DHCR7: variants seen among roughly 807,000 people sequenced by gnomAD.
DHCR7 encodes 7-DHC reductase.
In DHCR7, 40 loss-of-function variants were observed where a neutral mutation model predicts 43.3. The observed-to-expected ratio is 0.92, with a 90% CI of 0.72 to 1.20. DHCR7 has a LOEUF of 1.20. DHCR7 is among the 50% of genes most tolerant of loss of function. DHCR7 has a pLI of 0.00. For synonymous variants in DHCR7, 298 were observed against 271.4 expected, an observed-to-expected ratio of 1.10 and a Z score of -0.96; for missense variants, 608 against 644.6, an observed-to-expected ratio of 0.94 and a Z score of 0.62.
chr11:71,436,979 C>T (rs1423149232), intron 8 of DHCR7, among the ~76,000 whole-genome samples: 2 of 152,228 alleles, frequency 1.3e-5, no homozygotes, highest in Non-Finnish European at 2.9e-5. Context: ...ACCAGCAGAC[C>T]TGCAGCCAGC....
chr11:71,436,821 C>T (rs1949286995), intron 8 of DHCR7, among the ~76,000 whole-genome samples: 1 of 152,250 alleles, frequency 6.6e-6, no homozygotes, highest in Non-Finnish European at 1.5e-5. Flanking sequence ...TCTATTGATT[C>T]TGCTTCTTGG....
rs773485715 is a variant in DHCR7 at position 71,438,969 on chromosome 11, G to A, written c.741C>T (p.Ala247=). The part of the protein sequence containing the change: ...LFFNGRPGIV[A]WTLINLSFAA... ...CGAAGGACAGGTTGATGAGGGTCCA[G>A]GCGACGATCCCGGGGCGCCCATTGA... is the stretch of plus-strand genomic sequence containing the variant. The change falls in exon 7 of 9, where the codon GCC becomes GCT. Residue 247 remains alanine, a synonymous_variant. Transcript: ENST00000355527. 3 of 1,614,074 alleles carry A rather than the reference G, an allele frequency of 1.9e-6. No individual in the cohort carries two copies. The highest frequency in any genetic ancestry group is 2.2e-5 in the East Asian group (1 of 44,876).
At chr11:71,446,330 G>GA (rs1269359834) in intron 2 of DHCR7, among the ~76,000 whole-genome samples, 1 of 148,134 alleles carries the variant, frequency 6.8e-6, no homozygotes, top group Non-Finnish European at 1.5e-5. Flanking sequence ...TATAAGGAAG[G>GA]AAAAAAAGAA....
At chr11:71,429,062 G>A (rs1344454864) in intron 2 of DHCR7, among the ~76,000 whole-genome samples, 1 of 152,232 alleles carries the variant, frequency 6.6e-6, no homozygotes, top group Non-Finnish European at 1.5e-5. Flanking sequence ...GCAGCTAAGT[G>A]TTGCAAACAG....
In DHCR7 at chr11:71,435,268, G is replaced by T; in HGVS notation, c.*107C>A. 1 of 1,188,678 alleles carries T rather than the reference G, an allele frequency of 8.4e-7. No individual in the cohort carries two copies. Among genetic ancestry groups the T allele is most frequent in the Non-Finnish European group, 1.2e-6 (1 of 806,662 alleles). 73.6% of individuals were successfully genotyped at this position (1,188,678 alleles called of 1,614,324 possible). A position where few individuals can be genotyped will look rare whatever the true frequency, so the allele number is the denominator to read the frequency against. On this transcript the variant is annotated 3_prime_UTR_variant, in exon 9 of 9. Transcript: ENST00000355527. Reference sequence around the variant, plus strand: ...AGTGCTGGGCTCTCTCCAGTTTACAGATGAGGAAACTGAGGCTCCTCGAGT... The same window carrying T: ...AGTGCTGGGCTCTCTCCAGTTTACATATGAGGAAACTGAGGCTCCTCGAGT...
chr11:71,427,948 A>G (rs1334071886), downstream of DHCR7, among the ~76,000 whole-genome samples: 1 of 152,130 alleles, frequency 6.6e-6, no homozygotes, highest in African/African-American at 2.4e-5. Context: ...AAGGCATACT[A>G]TTTGTACAAC....
chr11:71,448,756 C>T (rs1949432839), upstream of DHCR7: 1 of 152,306 alleles, frequency 6.6e-6, no homozygotes, highest in Admixed American at 6.5e-5. Flanking sequence ...AATGGGGCTT[C>T]AGCGGCTCGC....
At position 71,434,897 on chromosome 11, in the gene DHCR7, C is replaced by T. The variant is rs1219587894; in HGVS notation, c.*478G>A. ...AACGGCGCACGGGCCCCACCCACGA[C>T]TGCAGAGCAGGCAGGGGAGGGGGAT... On this transcript the variant is annotated 3_prime_UTR_variant, in exon 9 of 9. Transcript: ENST00000355527. The T allele has an allele frequency of 2.5e-5, 9 of 357,976 alleles. No individual in the cohort carries two copies. In the East Asian group the frequency reaches 6.7e-4, roughly 26 times the overall value. The allele number at this position is 357,976 out of a possible 1,614,324, so 22.2% of individuals were successfully genotyped here.
Position 71,435,328 on chromosome 11 carries a change from G to A in DHCR7, c.*47C>T. ...GATGCCAGCCCCCATGGACCTGGCA[G>A]AACACGCTCTTGACAGCCCCACAGG... On this transcript the variant is annotated 3_prime_UTR_variant, in exon 9 of 9. Coordinates refer to ENST00000355527, the MANE Select transcript of DHCR7 (RefSeq NM_001360.3). 1 of 1,595,264 alleles carries A rather than the reference G, an allele frequency of 6.3e-7. No homozygotes were observed. The highest frequency in any genetic ancestry group is 8.5e-7 in the Non-Finnish European group (1 of 1,169,910).
At chr11:71,428,968 G>A (rs1949214511) in intron 2 of DHCR7, 1 of 416,118 alleles carries the variant, frequency 2.4e-6, no homozygotes. Flanking sequence ...ACTTATCTAA[G>A]TCTGTAGCCT....
rs113188310 is a variant in DHCR7, at chr11:71,435,175, G to A, written c.*200C>T. 2.3e-4 allele frequency: 164 copies of A among 709,306 alleles called. 1 individual carries two copies. In the African/African-American group the frequency reaches 2.4e-3, roughly 10 times the overall value. 43.9% of individuals were successfully genotyped at this position (709,306 alleles called of 1,614,324 possible). A position where few individuals can be genotyped will look rare whatever the true frequency, so the allele number is the denominator to read the frequency against. ...TCTGTGCTGGCAATACGGCAGTGCT[G>A]GACACTCGGAATTCCCTTGAAGGCA... On this transcript the variant is annotated 3_prime_UTR_variant, in exon 9 of 9. Coordinates refer to ENST00000355527, the MANE Select transcript of DHCR7 (RefSeq NM_001360.3).
intron 2 of DHCR7, among the ~76,000 whole-genome samples, chr11:71,446,295 T>C (rs1412588783): frequency 1.4e-5 from 2 of 146,210 alleles, no homozygotes; most frequent in Non-Finnish European, 3.0e-5. Flanking sequence ...AGGCAACTGT[T>C]AACTCCAGGA....
chr11:71,441,541 G>C lies in DHCR7; in HGVS notation c.413-101C>G, dbSNP rs1193477157. The stretch of plus-strand genomic sequence containing the variant: ...TGGCGGGGGCCCTGGTCACTTTCTG[G>C]GCCTCTGCTGCTGCGGACCCTCATC... On this transcript the variant is annotated intron_variant, in intron 5 of 8. Coordinates refer to ENST00000355527, the MANE Select transcript of DHCR7 (RefSeq NM_001360.3). The C allele has an allele frequency of 4.9e-6, 5 of 1,018,396 alleles. No individual in the cohort carries two copies. The East Asian group carries it at 1.0e-4, about 21-fold the overall frequency. The allele number at this position is 1,018,396 out of a possible 1,614,324, so 63.1% of individuals were successfully genotyped here.
rs145651408 is a variant in DHCR7 at position 71,435,741 on chromosome 11, G to C, written c.1062C>G (p.Ala354=). 1 of 1,612,496 alleles carries C rather than the reference G, an allele frequency of 6.2e-7. No individual in the cohort carries two copies. The highest frequency in any genetic ancestry group is 8.5e-7 in the Non-Finnish European group (1 of 1,179,416). Residue 354 remains alanine, a synonymous_variant, in exon 9 of 9, where the codon GCC becomes GCG. Coordinates refer to ENST00000355527, the MANE Select transcript of DHCR7 (RefSeq NM_001360.3). ...GGCGGAACAGGTCCTTCTGGTGGTT[G>C]GCCACCCGGAAGATGTAGTAGCCCA... The part of the protein sequence containing the change: ...GLVGYYIFRV[A]NHQKDLFRRT...
chr11:71,434,163 TG>T (rs1388908127), downstream of DHCR7, among the ~76,000 whole-genome samples: 2 of 152,108 alleles, frequency 1.3e-5, no homozygotes, highest in Non-Finnish European at 2.9e-5. Context: ...TTCATCTCCT[TG>T]GGGGGGAATG....
intron 2 of DHCR7, among the ~76,000 whole-genome samples, chr11:71,446,055 G>A (rs1418324912): frequency 6.6e-6 from 1 of 152,074 alleles, no homozygotes; most frequent in South Asian, 2.1e-4. Flanking sequence ...AAGGGCAGGG[G>A]CAAGTCCCAA....
At chr11:71,439,341 C>T (rs1949325198) in intron 6 of DHCR7, among the ~76,000 whole-genome samples, 1 of 152,316 alleles carries the variant, frequency 6.6e-6, no homozygotes, top group East Asian at 1.9e-4. Context: ...CCCAGGGGCA[C>T]CTGCTCTGCA....
At chr11:71,448,088 G>C (rs1949423139) in intron 1 of DHCR7, 2 of 152,684 alleles carry the variant, frequency 1.3e-5, no homozygotes, top group Admixed American at 6.5e-5. Flanking sequence ...TGGGGGAGGG[G>C]GACTATCCAC....
chr11:71,429,293 C>G (rs1421162003), intron 2 of DHCR7, among the ~76,000 whole-genome samples: 1 of 152,138 alleles, frequency 6.6e-6, no homozygotes, highest in Non-Finnish European at 1.5e-5. Context: ...TCAGAACGAC[C>G]CTGGCTTTTA....
Sources: allele counts gnomAD v4.1 joint callset (sites outside exome capture counted in the v4.1 genomes callset), GRCh38; gene constraint gnomAD v4.1.1; transcripts MANE v1.5; gene names NCBI Gene and HGNC (gene_info 2026-07-23, HGNC 2026-07-21).